Variants in PHGDH observed in about 807,000 individuals in gnomAD.
PHGDH encodes the protein D-3-phosphoglycerate dehydrogenase.
In PHGDH, 50 loss-of-function variants were observed where a neutral mutation model predicts 52.6. The observed-to-expected ratio is 0.95, with a 90% confidence interval of 0.76 to 1.20. The LOEUF (loss-of-function observed/expected upper bound fraction) is 1.20, where lower values mean the gene tolerates loss of function less well. PHGDH is among the 50% of genes most tolerant of loss of function. The pLI is 0.00. For missense variants in PHGDH, 630 were observed against 684.6 expected (o/e 0.92, Z 0.89); for synonymous variants, 271 against 280.5 (o/e 0.97, Z 0.34).
intron 9 of PHGDH, 82 bp from the exon 10 acceptor site, chr1:119,741,685 G>A: frequency 7.7e-7 from 1 of 1,299,652 alleles, no homozygotes. Flanking sequence ...CCATAGTCCA[G>A]AGCTAGGTGC....
At chr1:119,732,633 T>C (rs1212285289) in intron 5 of PHGDH, among the ~76,000 whole-genome samples, 1 of 152,194 alleles carries the variant, frequency 6.6e-6, no homozygotes, top group African/African-American at 2.4e-5. Context: ...AGAGGTTTGC[T>C]CAGCCAGATT....
intron 8 of PHGDH, among the ~76,000 whole-genome samples, chr1:119,737,949 A>G (rs1652017616): frequency 6.6e-6 from 1 of 152,216 alleles, no homozygotes; most frequent in Non-Finnish European, 1.5e-5. Context: ...TGAGGGAGGC[A>G]TAGCTCTCCT....
chr1:119,726,837 G>T lies in PHGDH; in HGVS notation c.357-14G>T, dbSNP rs932442504. The stretch of plus-strand genomic sequence containing the variant: ...GTCCGAATGGACCCTCTGAACCTGT[G>T]TCTATCCTTGCAGGCAGATTCCCCA... On this transcript the variant is annotated splice_polypyrimidine_tract_variant and intron_variant, in intron 3 of 11. Coordinates refer to ENST00000641023, the MANE Select transcript of PHGDH (RefSeq NM_006623.4). 6.2e-7 allele frequency: 1 copy of T among 1,612,864 alleles called. No homozygotes were observed. The highest frequency in any genetic ancestry group is 8.5e-7 in the Non-Finnish European group (1 of 1,179,160).
intron 5 of PHGDH, among the ~76,000 whole-genome samples, chr1:119,728,220 A>G (rs1209557851): frequency 1.3e-5 from 2 of 152,194 alleles, no homozygotes; most frequent in African/African-American, 2.4e-5. Context: ...AGGATCACCA[A>G]GGTTGCTGCA....
intron 1 of PHGDH, chr1:119,712,674 G>A (rs933736837): frequency 4.7e-4 from 90 of 191,886 alleles, no homozygotes; most frequent in African/African-American, 1.8e-3. Context: ...TGGCGGTGGC[G>A]GGGTTGGGGG....
In PHGDH at chr1:119,740,443, C is replaced by T. The variant is rs2101216283; in HGVS notation, c.1003C>T (p.Leu335=). The change falls in exon 9 of 12, where the codon CTG becomes TTG. Residue 335 remains leucine (L), a synonymous_variant. Transcript: ENST00000641023. ...TCCACACACCAAGCCTTGGATTGGT[C>T]TGGCAGAAGCTCTGGGGACACTGAT... ...FSPHTKPWIG[L]AEALGTLMRA... The T allele has an allele frequency of 6.2e-7, 1 of 1,612,652 alleles. No homozygotes were observed. Among genetic ancestry groups the T allele is most frequent in the Non-Finnish European group, 8.5e-7 (1 of 1,179,194 alleles).
intron 5 of PHGDH, among the ~76,000 whole-genome samples, chr1:119,732,434 G>A (rs947577822): frequency 2.6e-5 from 4 of 152,184 alleles, no homozygotes; most frequent in African/African-American, 9.7e-5. Flanking sequence ...ACCCAGAGGT[G>A]CTCCAATGTC....
chr1:119,712,199 C>G, intron 1 of PHGDH, 39 bp downstream of exon 1: 3 of 1,599,352 alleles, frequency 1.9e-6, no homozygotes, highest in Non-Finnish European at 1.7e-6. Flanking sequence ...TCTAGGGCAA[C>G]CTCCATGGAA....
intron 3 of PHGDH, 90 bp from the exon 4 acceptor site, chr1:119,726,761 G>A (rs922429318): frequency 1.9e-5 from 19 of 1,005,492 alleles, no homozygotes; most frequent in Non-Finnish European, 2.7e-5. Context: ...GGCTGTCATG[G>A]GCAGTGACTG....
intron 11 of PHGDH, 55 bp downstream of exon 11, chr1:119,743,099 C>A: frequency 8.7e-7 from 1 of 1,150,016 alleles, no homozygotes. Context: ...GTGGGGTCTG[C>A]CCTGGAATTG....
intron 1 of PHGDH, among the ~76,000 whole-genome samples, chr1:119,716,837 G>A (rs1350255447): frequency 6.6e-6 from 1 of 152,070 alleles, no homozygotes; most frequent in African/African-American, 2.4e-5. Context: ...CCACTGCCCA[G>A]TTGCCCTCCA....
intron 11 of PHGDH, 138 bp downstream of exon 11, chr1:119,743,182 T>G: frequency 1.3e-6 from 1 of 743,038 alleles, no homozygotes; most frequent in Non-Finnish European, 2.5e-6. Flanking sequence ...ACAGAGGGTC[T>G]GATGCCAGTT....
intron 3 of PHGDH, chr1:119,724,938 T>G (rs964867762): frequency 6.6e-6 from 3 of 454,842 alleles, no homozygotes; most frequent in African/African-American, 6.1e-5. Flanking sequence ...TTCATCAGAC[T>G]GTTCCTAGCA....
intron 10 of PHGDH, chr1:119,742,561 A>C (rs1652256308): frequency 1.7e-6 from 1 of 598,276 alleles, no homozygotes; most frequent in East Asian, 2.8e-5. Context: ...GTTTTCCTCC[A>C]AGCCTTCGCC....
intron 5 of PHGDH, chr1:119,727,696 T>C (rs1037471108): frequency 6.9e-6 from 1 of 145,736 alleles, no homozygotes; most frequent in East Asian, 2.0e-4. Context: ...TAGCCGGGCG[T>C]GGTGGCGGGC....
At chr1:119,734,387 A>G (rs1234974715) in intron 5 of PHGDH, 2 of 491,356 alleles carry the variant, frequency 4.1e-6, no homozygotes, top group Admixed American at 2.7e-5. Flanking sequence ...AGCAGACAAG[A>G]ACAGTCCCAG....
At chr1:119,719,798 C>CT (rs1343668736) in intron 1 of PHGDH, 4 of 152,246 alleles carry the variant, frequency 2.6e-5, no homozygotes, top group Non-Finnish European at 5.9e-5. Context: ...TGACCTTTCT[C>CT]TATCTCCAGA....
intron 1 of PHGDH, among the ~76,000 whole-genome samples, chr1:119,715,613 T>C (rs747666762): frequency 6.6e-6 from 1 of 152,178 alleles, no homozygotes; most frequent in Non-Finnish European, 1.5e-5. Flanking sequence ...AAAGGAAGCA[T>C]GTGTGAACCT....
chr1:119,737,040 C>A, intron 7 of PHGDH, 74 bp from the exon 8 acceptor site: 1 of 1,492,612 alleles, frequency 6.7e-7, no homozygotes, highest in South Asian at 1.1e-5. Context: ...TCCAACTTTC[C>A]TGTTGCCTGG....
Sources: gnomAD v4.1 joint callset for allele counts (sites outside exome capture counted in the v4.1 genomes callset) on GRCh38, gnomAD v4.1.1 for gene constraint, MANE v1.5 for transcripts, NCBI Gene and HGNC (gene_info 2026-07-23, HGNC 2026-07-21) for gene names.